Variants in FAM234A observed in about 807,000 individuals in gnomAD.
FAM234A encodes family with sequence similarity 234 member A, also known as protein FAM234A.
In FAM234A, 42 loss-of-function variants were observed where a neutral mutation model predicts 49.1. That is an observed-to-expected ratio of 0.86 (90% confidence interval 0.67 to 1.11). The LOEUF (loss-of-function observed/expected upper bound fraction) is 1.11. Among genes scored for constraint, FAM234A ranks in the 50% least tolerant of loss-of-function variants. The probability of loss-of-function intolerance (pLI) is 0.00; values close to 1 mark genes in which losing one functional copy is unlikely to be tolerated. For synonymous variants in FAM234A, 369 were observed against 316.2 expected (o/e 1.17, Z -1.77); for missense variants, 815 against 745.2 (o/e 1.09, Z -1.09).
chr16:239,203 G>A (rs974753895), intron 1 of FAM234A, among the ~76,000 whole-genome samples: 1 of 135,546 alleles, frequency 7.4e-6, no homozygotes, highest in Non-Finnish European at 1.6e-5. Context: ...GGGAGGATGA[G>A]GCAGGAGAAT....
chr16:236,011 C>A (rs1466063224), intron 1 of FAM234A, among the ~76,000 whole-genome samples: 4 of 151,760 alleles, frequency 2.6e-5, no homozygotes, highest in Admixed American at 2.6e-4. Context: ...AAATTAGCTG[C>A]GTATGGTGGC....
Position 260,128 on chromosome 16 carries a change from C to T in FAM234A, c.545C>T (p.Pro182Leu), listed in dbSNP as rs944262203. The T allele has an allele frequency of 7.4e-6, 12 of 1,613,668 alleles. No individual in the cohort carries two copies. In the African/African-American group the frequency reaches 1.6e-4, roughly 22 times the overall value. Reference protein sequence around the residue: ...APSACILVGRPSSFIAVNLFT... With the variant: ...APSACILVGRLSSFIAVNLFT... ...TCTGCCTGCATCCTGGTGGGCAGAC[C>T]CAGTTCTTTCATTGCAGTCAACTTG... Residue 182 changes from proline to leucine, a missense_variant, in exon 5 of 13, where the codon CCC becomes CTC. Coordinates refer to ENST00000399932, the MANE Select transcript of FAM234A (RefSeq NM_032039.4).
downstream of FAM234A, among the ~76,000 whole-genome samples, chr16:267,998 TACACACGCACACACACCAC>T (rs2051748919): frequency 3.5e-4 from 44 of 127,430 alleles, no homozygotes; most frequent in Admixed American, 7.3e-4. Flanking sequence ...ACATGCCTCA[TACACACGCACACACACCAC>T]ATATGCATGC....
downstream of FAM234A, among the ~76,000 whole-genome samples, chr16:266,388 G>A (rs1377436633): frequency 2.0e-5 from 3 of 152,234 alleles, no homozygotes; most frequent in East Asian, 1.9e-4. Context: ...TGGAACAGAC[G>A]GTGGCCTCGG....
At position 234,853 on chromosome 16, in the gene FAM234A, G is replaced by A. The variant is rs950426215; in HGVS notation, c.-144G>A. 6.6e-6 allele frequency: 1 copy of A among 152,450 alleles called. No homozygotes were observed. The highest frequency in any genetic ancestry group is 1.5e-5 in the Non-Finnish European group (1 of 68,188). The allele number at this position is 152,450 out of a possible 1,614,324, so 9.4% of individuals were successfully genotyped here. The stretch of plus-strand genomic sequence containing the variant: ...GCGCGGTCGGGTGAGAGGCCGCGGC[G>A]GCAGGTGAGTGAGCGCGGCCTCGTA... On this transcript the variant is annotated 5_prime_UTR_variant, in exon 1 of 13. Coordinates refer to ENST00000399932, the MANE Select transcript of FAM234A (RefSeq NM_032039.4).
chr16:264,498 G>A (rs2141373422), intron 11 of FAM234A, 116 bp from the exon 12 acceptor site: 2 of 814,604 alleles, frequency 2.5e-6, no homozygotes, highest in Non-Finnish European at 3.9e-6. Flanking sequence ...GGCATTTGGG[G>A]GACCCAGATA....
chr16:239,343 G>A (rs1018436451), intron 1 of FAM234A, among the ~76,000 whole-genome samples: 6 of 150,846 alleles, frequency 4.0e-5, no homozygotes, highest in African/African-American at 1.5e-4. Context: ...GCCGGATGCG[G>A]TGGCTCACGC....
Position 260,052 on chromosome 16 carries a change from G to T in FAM234A, c.469G>T (p.Val157Leu). Residue 157 changes from valine to leucine, a missense_variant, in exon 5 of 13, where the codon GTG becomes TTG. Coordinates refer to ENST00000399932, the MANE Select transcript of FAM234A (RefSeq NM_032039.4). ...TLWERPVAQD[V>L]ALVECAVPQP... Reference sequence around the variant, plus strand: ...CTGGGAGAGACCTGTGGCCCAAGACGTGGCCCTCGTGGAGTGTGCTGTGCC... The same window carrying T: ...CTGGGAGAGACCTGTGGCCCAAGACTTGGCCCTCGTGGAGTGTGCTGTGCC... 1 of 1,613,702 alleles carries T rather than the reference G, an allele frequency of 6.2e-7. No homozygotes were observed. The highest frequency in any genetic ancestry group is 8.5e-7 in the Non-Finnish European group (1 of 1,180,028).
chr16:266,184 G>A (rs1448193620), downstream of FAM234A: 1 of 849,170 alleles, frequency 1.2e-6, no homozygotes, highest in Admixed American at 6.2e-5. Context: ...TCCTGGAGGA[G>A]TGACCAGGAA....
At chr16:268,292 G>C, downstream of FAM234A, 1 of 237,308 alleles carries the variant, frequency 4.2e-6, no homozygotes, top group Non-Finnish European at 8.4e-6. Flanking sequence ...ACCATAAGCT[G>C]CACCCACAGC....
downstream of FAM234A, chr16:266,207 C>T: frequency 1.4e-6 from 1 of 711,976 alleles, no homozygotes; most frequent in Non-Finnish European, 1.7e-6. Flanking sequence ...TGCTGGCCAG[C>T]CTGGGTCAGG....
At position 264,045 on chromosome 16, in the gene FAM234A, C is replaced by A; in HGVS notation, c.1218C>A (p.Ala406=). Residue 406 remains alanine (A), a synonymous_variant, in exon 11 of 13, where the codon GCC becomes GCA. Transcript: ENST00000399932. ...QILFLDLGTG[A]VLCSLALPSL... ...TGTTTCTGGACCTTGGCACTGGAGC[C>A]GTCCTGTGTAGCCTAGCCCTCCCGA... The A allele has an allele frequency of 6.2e-7, 1 of 1,613,284 alleles. No homozygotes were observed. The highest frequency in any genetic ancestry group is 8.5e-7 in the Non-Finnish European group (1 of 1,179,958).
Position 264,082 on chromosome 16 carries a change from G to C in FAM234A, c.1255G>C (p.Gly419Arg), listed in dbSNP as rs980726234. 1 of 1,612,910 alleles carries C rather than the reference G, an allele frequency of 6.2e-7. No individual in the cohort carries two copies. The highest frequency in any genetic ancestry group is 8.5e-7 in the Non-Finnish European group (1 of 1,179,964). The change falls in exon 11 of 13, where the codon GGT becomes CGT. Residue 419 changes from glycine (G) to arginine (R), a missense_variant. Coordinates refer to ENST00000399932, the MANE Select transcript of FAM234A (RefSeq NM_032039.4). ...CSLALPSLPG[G>R]PLSASLPTAD... Reference sequence around the variant, plus strand: ...CCTAGCCCTCCCGAGCCTCCCTGGGGGTCCACTGTCCGCCAGCCTGCCGAC... The same window carrying C: ...CCTAGCCCTCCCGAGCCTCCCTGGGCGTCCACTGTCCGCCAGCCTGCCGAC...
rs745390527 is a variant in FAM234A at position 263,422 on chromosome 16, AC to A, written c.1112+22del. 1 of 1,604,742 alleles carries A rather than the reference AC, an allele frequency of 6.2e-7. No individual in the cohort carries two copies. The highest frequency in any genetic ancestry group is 8.5e-7 in the Non-Finnish European group (1 of 1,179,640). On this transcript the variant is annotated intron_variant, in intron 9 of 12. Transcript: ENST00000399932. The stretch of plus-strand genomic sequence containing the variant: ...CCTGAGGTACAGGGTTTCCCCAAGG[AC>A]CGCGCAGGTGCTGCACCCCTTCCCG...
intron 2 of FAM234A, among the ~76,000 whole-genome samples, chr16:253,214 C>G (rs1273853270): frequency 6.6e-6 from 1 of 152,160 alleles, no homozygotes; most frequent in East Asian, 1.9e-4. Flanking sequence ...CCGCATCCAC[C>G]CCCGGTCCGG....
downstream of FAM234A, chr16:268,565 C>T (rs1002383218): frequency 8.3e-6 from 5 of 602,234 alleles, no homozygotes; most frequent in African/African-American, 1.9e-5. Flanking sequence ...AAGGATCCAC[C>T]CTATGGAATC....
intron 8 of FAM234A, 152 bp from the exon 9 acceptor site, chr16:263,110 G>A (rs2051541656): frequency 5.1e-6 from 5 of 974,722 alleles, no homozygotes; most frequent in South Asian, 3.3e-5. Flanking sequence ...GAGCCACCGC[G>A]CCCAGCTCTT....
chr16:261,082 A>C, intron 5 of FAM234A: 1 of 293,320 alleles, frequency 3.4e-6, no homozygotes, highest in Non-Finnish European at 6.7e-6. Flanking sequence ...ACACGCAGAT[A>C]GGAGAAAAGG....
intron 1 of FAM234A, among the ~76,000 whole-genome samples, chr16:249,000 G>A (rs1367578425): frequency 6.6e-6 from 1 of 151,842 alleles, no homozygotes. Context: ...TGTCTTGCAG[G>A]GTCCTTTGGT....
Sources: allele counts gnomAD v4.1 joint callset (sites outside exome capture counted in the v4.1 genomes callset), GRCh38; gene constraint gnomAD v4.1.1; transcripts MANE v1.5; gene names NCBI Gene and HGNC (gene_info 2026-07-23, HGNC 2026-07-21).